The following RP1L1 variants were observed in gnomAD, a reference collection of about 807,000 sequenced individuals.
The protein encoded by RP1L1 is retinitis pigmentosa 1-like 1 protein.
In RP1L1, 27 loss-of-function variants were observed where a neutral mutation model predicts 15.7. The ratio of observed to expected loss-of-function variants is 1.72; its 90% confidence interval spans 1.27 to 2.38. RP1L1 has a LOEUF of 2.38. Among genes scored for constraint, RP1L1 ranks in the 30% most tolerant of loss-of-function variants. RP1L1 has a pLI of 0.00. For missense variants in RP1L1, 4,798 were observed against 3,075.9 expected, an observed-to-expected ratio of 1.56 and a Z score of -13.24; for synonymous variants, 1,813 against 1,276.7, an observed-to-expected ratio of 1.42 and a Z score of -8.96.
At chr8:10,646,023 G>A (rs766717024) in intron 1 of RP1L1, among the ~76,000 whole-genome samples, 19 of 152,188 alleles carry the variant, frequency 1.2e-4, no homozygotes, top group South Asian at 1.0e-3. Flanking sequence ...TGAGCCTCCC[G>A]CTGGTCACCA....
chr8:10,649,539 C>G (rs1798528602), intron 1 of RP1L1, among the ~76,000 whole-genome samples: 1 of 152,172 alleles, frequency 6.6e-6, no homozygotes. Context: ...GTCCCTGGCT[C>G]CCAGAGAGCT....
At chr8:10,631,391 ACACACGCACACACACG>A (rs1563135458) in intron 1 of RP1L1, among the ~76,000 whole-genome samples, 2 of 139,678 alleles carry the variant, frequency 1.4e-5, no homozygotes, top group Admixed American at 7.0e-5. Flanking sequence ...ACACATGCAC[ACACACGCACACACACG>A]CACACACGCA....
chr8:10,629,005 G>T (rs143339562), intron 1 of RP1L1, among the ~76,000 whole-genome samples: 2 of 152,224 alleles, frequency 1.3e-5, no homozygotes, highest in Non-Finnish European at 2.9e-5. Flanking sequence ...AGTGGGTCTG[G>T]TGCACCTCTG....
chr8:10,643,291 G>C (rs1255994711), intron 1 of RP1L1, among the ~76,000 whole-genome samples: 1 of 152,178 alleles, frequency 6.6e-6, no homozygotes, highest in Non-Finnish European at 1.5e-5. Flanking sequence ...GGTGAGCCAT[G>C]ATCACACTAC....
At chr8:10,631,526 T>C (rs912679618) in intron 1 of RP1L1, among the ~76,000 whole-genome samples, 2 of 152,320 alleles carry the variant, frequency 1.3e-5, no homozygotes, top group Admixed American at 6.5e-5. Context: ...CAGGATTATA[T>C]ATACACATAA....
At chr8:10,621,821 A>G (rs775511620) in intron 2 of RP1L1, 49 of 473,872 alleles carry the variant, frequency 1.0e-4, no homozygotes, top group Non-Finnish European at 1.7e-5. Context: ...CTCAATAATC[A>G]TAGTGGCTTC....
In RP1L1 at chr8:10,616,475, A is replaced by G. The variant is rs1012979093; in HGVS notation, c.722T>C (p.Leu241Ser). 4 of 1,614,140 alleles carry G rather than the reference A, an allele frequency of 2.5e-6. No individual in the cohort carries two copies. The highest frequency in any genetic ancestry group is 1.3e-5 in the African/African-American group (1 of 74,940). Residue 241 changes from leucine (L) to serine (S), a missense_variant, in exon 3 of 4, where the codon TTA becomes TCA. Leu to Ser is a moderately radical substitution (Grantham distance 145, BLOSUM62 -2). Coordinates refer to ENST00000382483, the MANE Select transcript of RP1L1 (RefSeq NM_178857.6). ...KNARRSEAETLSGLTSRNKNG... is the reference protein window; with the variant it reads ...KNARRSEAETSSGLTSRNKNG... ...TTTGTTTCTTGAAGTCAGCCCAGAT[A>G]AAGTTTCAGCCTCGCTTCTCCTGGC...
At chr8:10,615,479 G>A (rs1011392127) in intron 3 of RP1L1, among the ~76,000 whole-genome samples, 2 of 152,172 alleles carry the variant, frequency 1.3e-5, no homozygotes, top group African/African-American at 4.8e-5. Flanking sequence ...TCGTGACCCT[G>A]AAAGGATGCA....
chr8:10,617,219 G>A (rs1322701022), intron 2 of RP1L1, among the ~76,000 whole-genome samples: 1 of 152,024 alleles, frequency 6.6e-6, no homozygotes, highest in Non-Finnish European at 1.5e-5. Flanking sequence ...TGTCACTGCA[G>A]AATTCCTTTC....
In RP1L1 at chr8:10,644,900, T is replaced by C. The variant is rs117016359; in HGVS notation, c.-20+9998A>G. ...CAGGGGCTGTTATTACCAATAACGG[T>C]GAAAAATTCAGTCACGTGATTTACT... On this transcript the variant is annotated intron_variant, in intron 1 of 3. Transcript: ENST00000382483. Among the ~76,000 whole-genome samples the C allele has an allele frequency of 6.1e-3, 934 of 152,378 alleles. 8 individuals are homozygous for C. Among genetic ancestry groups the C allele is most frequent in the Non-Finnish European group, 9.2e-3 (623 of 68,046 alleles).
At position 10,617,546 on chromosome 8, in the gene RP1L1, C is replaced by CT. The variant is rs777209714; in HGVS notation, c.610-960dup. 1.5e-3 allele frequency among the ~76,000 whole-genome samples: 97 copies of CT among 63,428 alleles called. 5 individuals are homozygous for CT. Among genetic ancestry groups the CT allele is most frequent in the African/African-American group, 1.9e-3 (30 of 16,126 alleles). The allele number at this position is 63,428 out of a possible 152,430, so 41.6% of individuals were successfully genotyped here. ...TTTTTGTTTTTTTCTGTTTCTTTTTCTTTTTTTTTTTTTTTTTTTTTTTTT... is the reference window on the plus strand; with the variant it reads ...TTTTTGTTTTTTTCTGTTTCTTTTTCTTTTTTTTTTTTTTTTTTTTTTTTTT... On this transcript the variant is annotated intron_variant, in intron 2 of 3. Coordinates refer to ENST00000382483, the MANE Select transcript of RP1L1 (RefSeq NM_178857.6).
chr8:10,638,868 G>C (rs562343657), intron 1 of RP1L1, among the ~76,000 whole-genome samples: 1 of 152,248 alleles, frequency 6.6e-6, no homozygotes, highest in Admixed American at 6.5e-5. Flanking sequence ...AGCACGGCCA[G>C]GCATGGTGGC....
chr8:10,607,260 G>T lies in RP1L1; in HGVS notation c.6838C>A (p.Pro2280Thr). The T allele has an allele frequency of 2.5e-6, 4 of 1,614,176 alleles. No individual in the cohort carries two copies. The highest frequency in any genetic ancestry group is 3.4e-6 in the Non-Finnish European group (4 of 1,179,980). The change falls in exon 4 of 4, where the codon CCC becomes ACC. Residue 2280 changes from proline to threonine, a missense_variant. Transcript: ENST00000382483. Reference protein sequence around the residue: ...SPVPEDRPTPPPSPGGDTPHQ... With the variant: ...SPVPEDRPTPTPSPGGDTPHQ... ...GGAGTGTCTCCACCTGGGGAAGGGG[G>T]TGGAGTGGGCCTGTCCTCAGGGACT...
chr8:10,618,336 C>T (rs970920443), intron 2 of RP1L1, among the ~76,000 whole-genome samples: 1 of 151,872 alleles, frequency 6.6e-6, no homozygotes, highest in Non-Finnish European at 1.5e-5. Context: ...CCCATCTCTA[C>T]TAAAAATACA....
intron 1 of RP1L1, among the ~76,000 whole-genome samples, chr8:10,634,814 T>G (rs192068482): frequency 3.9e-5 from 6 of 152,196 alleles, no homozygotes; most frequent in African/African-American, 1.4e-4. Context: ...CTGCAGGCAT[T>G]ATGGCTCTTC....
chr8:10,638,783 C>A (rs7823164), intron 1 of RP1L1, among the ~76,000 whole-genome samples: 1 of 151,996 alleles, frequency 6.6e-6, no homozygotes, highest in Non-Finnish European at 1.5e-5. Context: ...CATTTGCTGC[C>A]CAGTGGATCA....
chr8:10,611,840 G>C lies in RP1L1; in HGVS notation c.2258C>G (p.Ser753Cys), dbSNP rs766716684. The C allele has an allele frequency of 1.2e-6, 2 of 1,613,780 alleles. No homozygotes were observed. Among genetic ancestry groups the C allele is most frequent in the Non-Finnish European group, 1.7e-6 (2 of 1,180,022 alleles). The change falls in exon 4 of 4, where the codon TCC becomes TGC. Residue 753 changes from serine (S) to cysteine (C), a missense_variant. Coordinates refer to ENST00000382483, the MANE Select transcript of RP1L1 (RefSeq NM_178857.6). Reference protein sequence around the residue: ...AVHSDFVSGVSPHNAPSAGWA... With the variant: ...AVHSDFVSGVCPHNAPSAGWA... ...CCCGGCAGAGGGAGCGTTGTGCGGG[G>C]AGACTCCAGAAACAAAATCCGAGTG... is the stretch of plus-strand genomic sequence containing the variant.
chr8:10,625,215 G>T (rs1285088563), intron 1 of RP1L1, among the ~76,000 whole-genome samples: 2 of 152,160 alleles, frequency 1.3e-5, no homozygotes, highest in African/African-American at 2.4e-5. Context: ...AACATGCTGG[G>T]TGGGCGCCAG....
chr8:10,615,267 C>A (rs1416023076), intron 3 of RP1L1, among the ~76,000 whole-genome samples: 1 of 152,188 alleles, frequency 6.6e-6, no homozygotes, highest in African/African-American at 2.4e-5. Flanking sequence ...GTTTACTCGC[C>A]AAATTTTTCC....
Sources: allele counts gnomAD v4.1 joint callset (sites outside exome capture counted in the v4.1 genomes callset), GRCh38; gene constraint gnomAD v4.1.1; transcripts MANE v1.5; gene names NCBI Gene and HGNC (gene_info 2026-07-23, HGNC 2026-07-21).